The following SYT1 variants were observed in gnomAD, a reference collection of about 807,000 sequenced individuals.
SYT1 encodes synaptotagmin 1.
In SYT1, 8 loss-of-function variants were observed where a neutral mutation model predicts 44.8. That is an observed-to-expected ratio of 0.18 (90% confidence interval 0.10 to 0.32). The LOEUF (loss-of-function observed/expected upper bound fraction) is 0.32. SYT1 is among the 10% of genes least tolerant of loss of function. The probability of loss-of-function intolerance (pLI) is 1.00; values close to 1 mark genes in which losing one functional copy is unlikely to be tolerated. For missense variants in SYT1, 286 were observed against 509.3 expected (o/e 0.56, Z 4.22); for synonymous variants, 154 against 188.8 (o/e 0.82, Z 1.51).
At chr12:79,283,954 AAG>A (rs999782503) in intron 4 of SYT1, among the ~76,000 whole-genome samples, 32 of 152,068 alleles carry the variant, frequency 2.1e-4, no homozygotes, top group African/African-American at 7.7e-4. Context: ...AGGAAAAGCA[AAG>A]AGAGTAGATT....
At chr12:79,197,296 G>A (rs1260525872) in intron 3 of SYT1, among the ~76,000 whole-genome samples, 1 of 152,170 alleles carries the variant, frequency 6.6e-6, no homozygotes, top group African/African-American at 2.4e-5. Flanking sequence ...GCAACTTGGA[G>A]TAATATAATT....
chr12:79,081,435 A>T (rs2137952407), intron 3 of SYT1, among the ~76,000 whole-genome samples: 1 of 150,518 alleles, frequency 6.6e-6, no homozygotes, highest in African/African-American at 2.4e-5. Flanking sequence ...GCTGGAGTGC[A>T]GTGGCATGAT....
chr12:79,250,492 C>T (rs764128158), intron 4 of SYT1, among the ~76,000 whole-genome samples: 1 of 152,126 alleles, frequency 6.6e-6, no homozygotes, highest in Non-Finnish European at 1.5e-5. Flanking sequence ...GGGTAATTAC[C>T]GTGCACAACT....
At chr12:79,390,080 C>A (rs1244823471) in intron 9 of SYT1, among the ~76,000 whole-genome samples, 1 of 151,902 alleles carries the variant, frequency 6.6e-6, no homozygotes, top group East Asian at 1.9e-4. Flanking sequence ...CTACAGGCGC[C>A]CGCCACCATG....
intron 1 of SYT1, among the ~76,000 whole-genome samples, chr12:78,879,484 T>A (rs1414796463): frequency 6.6e-6 from 1 of 151,708 alleles, no homozygotes; most frequent in Non-Finnish European, 1.5e-5. Flanking sequence ...CAAACTGAAC[T>A]CATCTTCATC....
intron 8 of SYT1, among the ~76,000 whole-genome samples, chr12:79,349,541 T>C (rs1304597207): frequency 6.6e-6 from 1 of 152,146 alleles, no homozygotes; most frequent in Non-Finnish European, 1.5e-5. Context: ...CTATGTAACC[T>C]ACACCCTCTC....
At chr12:79,321,432 G>T (rs991094112) in intron 8 of SYT1, among the ~76,000 whole-genome samples, 7 of 152,132 alleles carry the variant, frequency 4.6e-5, no homozygotes, top group African/African-American at 1.7e-4. Context: ...TTTAACAAAT[G>T]GATTGAAGGT....
chr12:78,869,609 T>G (rs1873715050), intron 1 of SYT1, among the ~76,000 whole-genome samples: 1 of 151,956 alleles, frequency 6.6e-6, no homozygotes, highest in Non-Finnish European at 1.5e-5. Flanking sequence ...CTACATTACA[T>G]TATTTTAAAA....
chr12:79,416,965 ATG>A (rs1290279479), intron 9 of SYT1, among the ~76,000 whole-genome samples: 3 of 151,808 alleles, frequency 2.0e-5, no homozygotes, highest in Admixed American at 6.6e-5. Flanking sequence ...AAATCCTAAT[ATG>A]TGTGTGTGTG....
intron 2 of SYT1, among the ~76,000 whole-genome samples, chr12:79,024,622 G>T (rs1256009821): frequency 1.3e-5 from 2 of 151,686 alleles, no homozygotes; most frequent in Non-Finnish European, 2.9e-5. Context: ...CTAATTGCTA[G>T]GAAAACAGTA....
intron 3 of SYT1, among the ~76,000 whole-genome samples, chr12:79,088,778 G>GTA: frequency 7.1e-6 from 1 of 140,088 alleles, no homozygotes; most frequent in East Asian, 2.5e-4. Flanking sequence ...GTGTGTGTGT[G>GTA]TATGTGTGTG....
chr12:78,965,860 C>T (rs887955528), intron 1 of SYT1, among the ~76,000 whole-genome samples: 3 of 151,934 alleles, frequency 2.0e-5, no homozygotes, highest in African/African-American at 7.3e-5. Flanking sequence ...GGGTGGATCA[C>T]GAGGTCAGGA....
intron 3 of SYT1, among the ~76,000 whole-genome samples, chr12:79,066,281 T>C (rs1299151271): frequency 2.6e-5 from 4 of 151,988 alleles, no homozygotes; most frequent in Admixed American, 2.6e-4. Flanking sequence ...TATATCAGAG[T>C]AGCTTCCCTT....
intron 3 of SYT1, among the ~76,000 whole-genome samples, chr12:79,146,548 GT>G (rs1869926246): frequency 6.6e-6 from 1 of 152,168 alleles, no homozygotes; most frequent in African/African-American, 2.4e-5. Context: ...CAAACTTCCA[GT>G]TTGAGAAGAC....
chr12:79,334,819 G>A (rs897299142), intron 8 of SYT1, among the ~76,000 whole-genome samples: 3 of 152,028 alleles, frequency 2.0e-5, no homozygotes, highest in Admixed American at 6.6e-5. Context: ...TTTCAAGTGG[G>A]ATCACCTTTT....
At chr12:78,995,600 G>T (rs956973226) in intron 2 of SYT1, among the ~76,000 whole-genome samples, 1 of 152,140 alleles carries the variant, frequency 6.6e-6, no homozygotes, top group African/African-American at 2.4e-5. Context: ...GTAGCATTTC[G>T]CCAGCATATC....
intron 8 of SYT1, among the ~76,000 whole-genome samples, chr12:79,342,711 A>G (rs541493128): frequency 2.6e-5 from 4 of 152,362 alleles, no homozygotes; most frequent in East Asian, 1.9e-4. Flanking sequence ...AAAGAAGTCA[A>G]TGATCAACGA....
intron 4 of SYT1, among the ~76,000 whole-genome samples, chr12:79,271,454 G>A (rs575430883): frequency 9.2e-5 from 14 of 152,186 alleles, no homozygotes; most frequent in African/African-American, 2.9e-4. Flanking sequence ...AAAATGTACC[G>A]TATTATGTTC....
chr12:79,292,404 G>C (rs1879632136), intron 6 of SYT1, among the ~76,000 whole-genome samples: 1 of 152,188 alleles, frequency 6.6e-6, no homozygotes, highest in Admixed American at 6.5e-5. Flanking sequence ...CAGTCGGTCT[G>C]CTTCTGAGAG....
Sources: gnomAD v4.1 joint callset for allele counts (sites outside exome capture counted in the v4.1 genomes callset) on GRCh38, gnomAD v4.1.1 for gene constraint, MANE v1.5 for transcripts, NCBI Gene and HGNC (gene_info 2026-07-23, HGNC 2026-07-21) for gene names.